SPOCK1: variants seen among roughly 807,000 people sequenced by gnomAD.
SPOCK1 encodes testican-1.
Under a neutral mutation model 55.3 loss-of-function variants are expected in SPOCK1, and 23 were observed. The ratio of observed to expected loss-of-function variants is 0.42; its 90% CI spans 0.30 to 0.59. SPOCK1 has a LOEUF of 0.59. Ranked by LOEUF, SPOCK1 falls within the 20% of genes least tolerant of loss-of-function variation. SPOCK1 has a pLI of 0.22. For missense variants in SPOCK1, 499 were observed against 552.5 expected (o/e 0.90, Z 0.97); for synonymous variants, 226 against 221.0 (o/e 1.02, Z -0.20).
At chr5:137,275,443 G>A (rs1438977528) in intron 2 of SPOCK1, among the ~76,000 whole-genome samples, 1 of 152,236 alleles carries the variant, frequency 6.6e-6, no homozygotes, top group Non-Finnish European at 1.5e-5. Context: ...CACCTTGGCT[G>A]ATGGCTGGGG....
intron 2 of SPOCK1, among the ~76,000 whole-genome samples, chr5:137,421,574 T>C (rs1327044462): frequency 6.6e-6 from 1 of 152,218 alleles, no homozygotes; most frequent in Non-Finnish European, 1.5e-5. Context: ...TCTCTTTTGA[T>C]CTTTGTTGGT....
intron 2 of SPOCK1, among the ~76,000 whole-genome samples, chr5:137,487,333 CAAAAAAA>C (rs11330611): frequency 3.8e-5 from 2 of 53,322 alleles, no homozygotes; most frequent in African/African-American, 6.5e-5. Flanking sequence ...TCTGATCTTT[CAAAAAAA>C]AAAAAAAAAA....
intron 2 of SPOCK1, among the ~76,000 whole-genome samples, chr5:137,346,287 C>A (rs1347609914): frequency 2.6e-5 from 4 of 152,176 alleles, no homozygotes; most frequent in African/African-American, 9.7e-5. Context: ...CACCTGGAAG[C>A]TGGGGTCACA....
intron 2 of SPOCK1, among the ~76,000 whole-genome samples, chr5:137,307,514 T>A (rs1255478274): frequency 6.6e-6 from 1 of 152,250 alleles, no homozygotes. Context: ...TTTTGTGTTC[T>A]GGTCCATGGT....
chr5:137,468,874 C>A (rs1265193600), intron 2 of SPOCK1, among the ~76,000 whole-genome samples: 1 of 152,144 alleles, frequency 6.6e-6, no homozygotes, highest in Non-Finnish European at 1.5e-5. Flanking sequence ...CCGTTCCCCC[C>A]AACTCACACA....
At chr5:137,245,845 T>A (rs1361983978) in intron 3 of SPOCK1, among the ~76,000 whole-genome samples, 2 of 152,048 alleles carry the variant, frequency 1.3e-5, no homozygotes, top group African/African-American at 4.8e-5. Context: ...TTAAATAAGT[T>A]TGGGAATCAC....
At chr5:137,297,412 A>G (rs1325610180) in intron 2 of SPOCK1, among the ~76,000 whole-genome samples, 1 of 152,230 alleles carries the variant, frequency 6.6e-6, no homozygotes, top group Admixed American at 6.5e-5. Flanking sequence ...TTTGTTAAGC[A>G]TGCACAACAA....
chr5:137,285,616 A>T lies in SPOCK1; in HGVS notation c.187-18561T>A, dbSNP rs531974226. 1.4e-3 allele frequency among the ~76,000 whole-genome samples: 217 copies of T among 152,364 alleles called. 1 individual carries two copies. The highest frequency in any genetic ancestry group is 5.1e-3 in the African/African-American group (211 of 41,586). On this transcript the variant is annotated intron_variant, in intron 2 of 10. Coordinates refer to ENST00000394945, the MANE Select transcript of SPOCK1 (RefSeq NM_004598.4). ...ACACCTGTGGTAACTATTAGCACAG[A>T]AGGTCCTCAGTGAGGTTTCTACTTA... is the stretch of plus-strand genomic sequence containing the variant.
At chr5:137,364,002 A>G (rs1751004125) in intron 2 of SPOCK1, among the ~76,000 whole-genome samples, 1 of 152,092 alleles carries the variant, frequency 6.6e-6, no homozygotes, top group South Asian at 2.1e-4. Context: ...CTCTACATAA[A>G]CAGCCTGAGA....
At chr5:137,311,171 T>G (rs1757783040) in intron 2 of SPOCK1, among the ~76,000 whole-genome samples, 1 of 152,174 alleles carries the variant, frequency 6.6e-6, no homozygotes, top group Non-Finnish European at 1.5e-5. Flanking sequence ...AAATTCAAAG[T>G]CATCTCTTTT....
At chr5:137,100,909 A>G (rs1486924009) in intron 5 of SPOCK1, among the ~76,000 whole-genome samples, 9 of 152,194 alleles carry the variant, frequency 5.9e-5, no homozygotes, top group Admixed American at 5.9e-4. Context: ...TTTGGTAAAA[A>G]TAAGAGCATC....
intron 4 of SPOCK1, among the ~76,000 whole-genome samples, chr5:137,122,520 C>T (rs969674106): frequency 1.3e-5 from 2 of 152,142 alleles, no homozygotes; most frequent in Non-Finnish European, 2.9e-5. Context: ...TATTGTTTTG[C>T]TACTTTACTT....
In SPOCK1 at chr5:137,333,395, G is replaced by A. The variant is rs143483565; in HGVS notation, c.187-66340C>T. ...TGGGAAAAGAGTTGAGGAGGAGGGA[G>A]CCAAGTCAGGAGGCCACAAGACCTC... is the stretch of plus-strand genomic sequence containing the variant. On this transcript the variant is annotated intron_variant, in intron 2 of 10. Transcript: ENST00000394945. 3.7e-3 allele frequency among the ~76,000 whole-genome samples: 562 copies of A among 152,214 alleles called. 18 individuals carry two copies. The highest frequency in any genetic ancestry group is 0.034 in the Admixed American group (514 of 15,284).
chr5:137,324,123 C>T (rs1758031305), intron 2 of SPOCK1, among the ~76,000 whole-genome samples: 1 of 152,124 alleles, frequency 6.6e-6, no homozygotes, highest in Non-Finnish European at 1.5e-5. Context: ...TGTACAAATA[C>T]ACAAGAATAT....
At chr5:137,447,952 T>TA (rs1304332017) in intron 2 of SPOCK1, among the ~76,000 whole-genome samples, 2 of 152,114 alleles carry the variant, frequency 1.3e-5, no homozygotes, top group African/African-American at 4.8e-5. Flanking sequence ...GCATTGGTAT[T>TA]AAAAAATAAA....
intron 2 of SPOCK1, among the ~76,000 whole-genome samples, chr5:137,332,215 T>TC (rs1352102600): frequency 5.3e-5 from 8 of 149,996 alleles, no homozygotes; most frequent in African/African-American, 9.8e-5. Flanking sequence ...GTCTCGACAC[T>TC]CCCCCCCAGC....
intron 5 of SPOCK1, among the ~76,000 whole-genome samples, chr5:137,082,541 T>C (rs1164090079): frequency 6.6e-6 from 1 of 152,158 alleles, no homozygotes; most frequent in Non-Finnish European, 1.5e-5. Context: ...CTGGAAGTCC[T>C]TGTGAAGATT....
chr5:137,068,846 C>T (rs1752556096), intron 5 of SPOCK1, among the ~76,000 whole-genome samples: 1 of 152,174 alleles, frequency 6.6e-6, no homozygotes, highest in South Asian at 2.1e-4. Context: ...AGACTTTACT[C>T]CTTTTTTGTC....
chr5:137,269,076 A>G lies in SPOCK1; in HGVS notation c.187-2021T>C, dbSNP rs1201119637. Among the ~76,000 whole-genome samples the G allele has an allele frequency of 6.6e-5, 9 of 137,334 alleles. No individual in the cohort carries two copies. The East Asian group carries it at 1.6e-3, about 25-fold the overall frequency. The allele number at this position is 137,334 out of a possible 152,430, so 90.1% of individuals were successfully genotyped here. On this transcript the variant is annotated intron_variant, in intron 2 of 10. Transcript: ENST00000394945. ...ACCTTGCCACTTTTTCAGGTTAACT[A>G]TAATTACCATTTTTACCTATTTCTT...
Sources: allele counts gnomAD v4.1 joint callset (sites outside exome capture counted in the v4.1 genomes callset), GRCh38; gene constraint gnomAD v4.1.1; transcripts MANE v1.5; gene names NCBI Gene and HGNC (gene_info 2026-07-23, HGNC 2026-07-21).